The following MALRD1 variants were observed in gnomAD, a reference collection of about 807,000 sequenced individuals.
The protein encoded by MALRD1 is MAM and LDL-receptor class A domain-containing protein 1.
In MALRD1, 247 loss-of-function variants were observed where a neutral mutation model predicts 242.1. The observed-to-expected ratio is 1.02, with a 90% CI of 0.92 to 1.13. MALRD1 has a LOEUF of 1.13. Among genes scored for constraint, MALRD1 ranks in the 50% most tolerant of loss-of-function variants. MALRD1 has a pLI of 0.00. For missense variants in MALRD1, 2,989 were observed against 2,533.1 expected, an observed-to-expected ratio of 1.18 and a Z score of -3.86; for synonymous variants, 995 against 866.6, an observed-to-expected ratio of 1.15 and a Z score of -2.60.
chr10:19,722,387 C>G (rs1489542522), intron 38 of MALRD1: 1 of 151,798 alleles, frequency 6.6e-6, no homozygotes, highest in African/African-American at 2.4e-5. Context: ...GCTAGAAGTT[C>G]AAGACCAGCC....
chr10:19,473,997 T>C (rs146786648), intron 29 of MALRD1, among the ~76,000 whole-genome samples: 322 of 152,278 alleles, frequency 2.1e-3, no homozygotes, highest in African/African-American at 6.8e-3. Flanking sequence ...TTTTCTGTTT[T>C]GTTTTGTTTT....
chr10:19,352,345 G>T, intron 26 of MALRD1, 48 bp downstream of exon 26: 2 of 1,491,584 alleles, frequency 1.3e-6, no homozygotes, highest in Non-Finnish European at 1.8e-6. Flanking sequence ...ATGGTGAAAG[G>T]TGAAAAGGAA....
rs544736761 is a variant in MALRD1 at position 19,563,245 on chromosome 10, T to C, written c.5479-4257T>C. 2.0e-5 allele frequency among the ~76,000 whole-genome samples: 3 copies of C among 152,326 alleles called. No individual in the cohort carries two copies. The South Asian group carries it at 6.2e-4, about 32-fold the overall frequency. On this transcript the variant is annotated intron_variant, in intron 32 of 39. Coordinates refer to ENST00000454679, the MANE Select transcript of MALRD1 (RefSeq NM_001142308.3). ...AATATGGGAATGAGCTAAATTTTCATTAATATCAGTAGCATTGTTGTTATG... is the reference window on the plus strand; with the variant it reads ...AATATGGGAATGAGCTAAATTTTCACTAATATCAGTAGCATTGTTGTTATG...
At chr10:19,190,046 T>C (rs578192324) in intron 14 of MALRD1, among the ~76,000 whole-genome samples, 1 of 152,070 alleles carries the variant, frequency 6.6e-6, no homozygotes, top group South Asian at 2.1e-4. Flanking sequence ...AAACAAAGAA[T>C]TTTTATATGT....
intron 28 of MALRD1, among the ~76,000 whole-genome samples, chr10:19,391,185 A>G (rs1046519122): frequency 5.9e-5 from 9 of 152,132 alleles, no homozygotes; most frequent in African/African-American, 2.2e-4. Context: ...ATTCTTAGGG[A>G]AATTTAACAG....
At chr10:19,143,660 T>C (rs1445190894) in intron 10 of MALRD1, among the ~76,000 whole-genome samples, 4 of 152,218 alleles carry the variant, frequency 2.6e-5, no homozygotes, top group African/African-American at 9.6e-5. Flanking sequence ...AAGTGTGTTC[T>C]AGGAATTGGA....
At chr10:19,697,390 G>T (rs573623261) in intron 38 of MALRD1, among the ~76,000 whole-genome samples, 4 of 136,666 alleles carry the variant, frequency 2.9e-5, no homozygotes, top group Non-Finnish European at 6.4e-5. Flanking sequence ...TTGAGCCCCC[G>T]CCCCCGCCCC....
At chr10:19,391,904 G>A (rs1247134455) in intron 28 of MALRD1, among the ~76,000 whole-genome samples, 1 of 152,206 alleles carries the variant, frequency 6.6e-6, no homozygotes, top group Non-Finnish European at 1.5e-5. Context: ...CCTCCCAGAG[G>A]TTGTGGCTGG....
intron 4 of MALRD1, among the ~76,000 whole-genome samples, chr10:19,102,087 CATATT>C (rs1373750459): frequency 7.8e-5 from 11 of 140,154 alleles, no homozygotes; most frequent in African/African-American, 2.9e-4. Context: ...TATGGTATAA[CATATT>C]ATTATATCAT....
intron 28 of MALRD1, among the ~76,000 whole-genome samples, chr10:19,422,940 T>G (rs1833769606): frequency 6.6e-6 from 1 of 152,316 alleles, no homozygotes; most frequent in South Asian, 2.1e-4. Flanking sequence ...GTAAGTAGGC[T>G]CTGGTATCTC....
chr10:19,502,937 AT>A (rs1200457132), intron 31 of MALRD1, among the ~76,000 whole-genome samples: 1 of 152,172 alleles, frequency 6.6e-6, no homozygotes, highest in African/African-American at 2.4e-5. Context: ...TATTAAGAGT[AT>A]TAATTTTTCT....
intron 18 of MALRD1, among the ~76,000 whole-genome samples, chr10:19,225,505 A>G (rs1837758940): frequency 6.9e-6 from 1 of 144,528 alleles, no homozygotes; most frequent in Non-Finnish European, 1.5e-5. Context: ...AAACATGTTA[A>G]TGTTATATAT....
At chr10:19,579,916 T>C (rs780641187) in intron 33 of MALRD1, among the ~76,000 whole-genome samples, 4 of 152,206 alleles carry the variant, frequency 2.6e-5, no homozygotes, top group Non-Finnish European at 5.9e-5. Context: ...AAATAAACTT[T>C]GCAGTCAATA....
chr10:19,104,181 T>C (rs1836382017), intron 5 of MALRD1, 106 bp downstream of exon 5: 1 of 588,710 alleles, frequency 1.7e-6, no homozygotes, highest in South Asian at 9.2e-5. Flanking sequence ...TCTGATGTTT[T>C]CATGTGGGAT....
chr10:19,714,449 G>T (rs961448084), intron 38 of MALRD1, among the ~76,000 whole-genome samples: 1 of 152,110 alleles, frequency 6.6e-6, no homozygotes, highest in Non-Finnish European at 1.5e-5. Flanking sequence ...ACGTCCAGCT[G>T]CCTGCATGTC....
At chr10:19,618,314 G>A (rs1379336405) in intron 36 of MALRD1, among the ~76,000 whole-genome samples, 3 of 151,992 alleles carry the variant, frequency 2.0e-5, no homozygotes, top group Admixed American at 6.6e-5. Context: ...GTGCCTTTAT[G>A]ACAGTAAAAC....
chr10:19,230,883 C>A (rs1296552963), intron 18 of MALRD1, among the ~76,000 whole-genome samples: 1 of 152,100 alleles, frequency 6.6e-6, no homozygotes, highest in African/African-American at 2.4e-5. Flanking sequence ...TTTTTAATTT[C>A]TTTTGCTTAA....
chr10:19,406,628 A>T (rs1847124163), intron 28 of MALRD1, among the ~76,000 whole-genome samples: 1 of 152,192 alleles, frequency 6.6e-6, no homozygotes, highest in Admixed American at 6.6e-5. Flanking sequence ...ATTCATGACG[A>T]ATAAATATCC....
At chr10:19,404,868 T>A (rs1302163509) in intron 28 of MALRD1, among the ~76,000 whole-genome samples, 1 of 152,168 alleles carries the variant, frequency 6.6e-6, no homozygotes, top group Non-Finnish European at 1.5e-5. Flanking sequence ...TTGCATCTTC[T>A]CATATATGGT....
Sources: allele counts gnomAD v4.1 joint callset (sites outside exome capture counted in the v4.1 genomes callset), GRCh38; gene constraint gnomAD v4.1.1; transcripts MANE v1.5; gene names NCBI Gene and HGNC (gene_info 2026-07-23, HGNC 2026-07-21).